The following EYS variants were observed in gnomAD, a reference collection of about 807,000 sequenced individuals.
EYS encodes the protein protein eyes shut homolog.
In EYS, 250 loss-of-function variants were observed where a neutral mutation model predicts 282.1. That is an observed-to-expected ratio of 0.89 (90% confidence interval 0.80 to 0.98). The LOEUF is 0.98. Among genes scored for constraint, EYS ranks in the 50% least tolerant of loss-of-function variants. The pLI is 0.00. For missense variants in EYS, 4,016 were observed against 3,709.0 expected (o/e 1.08, Z -2.15); for synonymous variants, 1,355 against 1,282.9 (o/e 1.06, Z -1.20).
intron 2 of EYS, among the ~76,000 whole-genome samples, chr6:65,531,993 C>T (rs977460967): frequency 4.6e-5 from 7 of 152,070 alleles, no homozygotes; most frequent in African/African-American, 9.6e-5. Flanking sequence ...GGATAATATA[C>T]GTTAAAATTC....
chr6:64,075,594 A>G (rs1771740593), intron 32 of EYS, among the ~76,000 whole-genome samples: 1 of 151,910 alleles, frequency 6.6e-6, no homozygotes, highest in African/African-American at 2.4e-5. Flanking sequence ...TTTTGATGCC[A>G]CGATTTTTAG....
chr6:64,477,772 G>C (rs2150497094), intron 26 of EYS, among the ~76,000 whole-genome samples: 1 of 152,064 alleles, frequency 6.6e-6, no homozygotes, highest in South Asian at 2.1e-4. Flanking sequence ...TGCTTCAAAA[G>C]GAAACATGTG....
chr6:64,329,573 G>A (rs1157487721), intron 29 of EYS, among the ~76,000 whole-genome samples: 1 of 152,064 alleles, frequency 6.6e-6, no homozygotes, highest in Non-Finnish European at 1.5e-5. Context: ...ATCCCCCGGG[G>A]CTAGCCATAA....
chr6:64,038,539 A>G lies in EYS; in HGVS notation c.6725+27799T>C, dbSNP rs1770232813. 2.0e-5 allele frequency among the ~76,000 whole-genome samples: 3 copies of G among 152,076 alleles called. No individual in the cohort carries two copies. The South Asian group carries it at 6.2e-4, about 32-fold the overall frequency. ...ATATCCACATTCCTAATTGACTATC[A>G]AAATCCAGTACTTCATTGTGCAATA... is the stretch of plus-strand genomic sequence containing the variant. On this transcript the variant is annotated intron_variant, in intron 33 of 42. Coordinates refer to ENST00000503581, the MANE Select transcript of EYS (RefSeq NM_001142800.2).
chr6:63,901,985 CT>C lies in EYS; in HGVS notation c.7056-37628del, dbSNP rs553608438. ...TTGGCTCACTGCAACTTCTGCCCCC[CT>C]GGTTCAAGTGACCCTTCTGCCCCAC... is the stretch of plus-strand genomic sequence containing the variant. On this transcript the variant is annotated intron_variant, in intron 35 of 42. Transcript: ENST00000503581. 2.0e-5 allele frequency among the ~76,000 whole-genome samples: 3 copies of C among 152,234 alleles called. No individual in the cohort carries two copies. In the South Asian group the frequency reaches 6.2e-4, roughly 32 times the overall value.
intron 26 of EYS, among the ~76,000 whole-genome samples, chr6:64,448,249 T>A (rs1364396837): frequency 1.3e-5 from 2 of 152,316 alleles, no homozygotes; most frequent in African/African-American, 4.8e-5. Flanking sequence ...CCACGGAGCC[T>A]TGCTGATTGC....
chr6:65,296,231 A>T, intron 11 of EYS, 112 bp from the exon 12 acceptor site: 1 of 1,161,514 alleles, frequency 8.6e-7, no homozygotes. Flanking sequence ...TTTAATGAAG[A>T]TAGTTGTGGG....
intron 30 of EYS, among the ~76,000 whole-genome samples, chr6:64,267,597 A>G (rs758807278): frequency 5.3e-5 from 8 of 152,200 alleles, no homozygotes; most frequent in African/African-American, 1.9e-4. Context: ...GAAAGACCAT[A>G]TAGACATTAA....
intron 22 of EYS, among the ~76,000 whole-genome samples, chr6:64,771,693 T>A (rs926057869): frequency 2.6e-5 from 4 of 151,794 alleles, no homozygotes; most frequent in African/African-American, 9.7e-5. Flanking sequence ...ATTTCATTTT[T>A]AAATTGTTTT....
intron 31 of EYS, among the ~76,000 whole-genome samples, chr6:64,093,777 A>T (rs1772467356): frequency 6.6e-6 from 1 of 152,114 alleles, no homozygotes; most frequent in Non-Finnish European, 1.5e-5. Context: ...CCTGGCCAGA[A>T]CTTCCAACAC....
At chr6:65,372,329 C>T (rs1040338868) in intron 8 of EYS, among the ~76,000 whole-genome samples, 9 of 151,922 alleles carry the variant, frequency 5.9e-5, no homozygotes, top group Non-Finnish European at 8.8e-5. Flanking sequence ...CCAGAAAGTG[C>T]ATTTCTAACT....
intron 12 of EYS, among the ~76,000 whole-genome samples, chr6:65,141,066 A>C (rs1439837744): frequency 6.6e-6 from 1 of 151,844 alleles, no homozygotes; most frequent in East Asian, 1.9e-4. Flanking sequence ...GGCACTATTC[A>C]CGATAGCAAA....
intron 35 of EYS, among the ~76,000 whole-genome samples, chr6:63,966,254 TA>T (rs1323088528): frequency 6.6e-6 from 1 of 152,172 alleles, no homozygotes; most frequent in African/African-American, 2.4e-5. Context: ...CTAAGTGAAG[TA>T]GCTCAGGAAT....
chr6:65,384,399 A>T lies in EYS; in HGVS notation c.1286T>A (p.Ile429Asn), dbSNP rs777652635. 6.3e-7 allele frequency: 1 copy of T among 1,597,380 alleles called. No individual in the cohort carries two copies. Among genetic ancestry groups the T allele is most frequent in the Non-Finnish European group, 8.6e-7 (1 of 1,167,090 alleles). ...CLNEEWCFNI[I>N]GRFKYVCIPG... Reference sequence around the variant, plus strand: ...TAAATTACTTACTTTGAATCTTCCAATTATATTGAAACACCATTCTTCATT... The same window carrying T: ...TAAATTACTTACTTTGAATCTTCCATTTATATTGAAACACCATTCTTCATT... Residue 429 changes from isoleucine to asparagine, a missense_variant, in exon 8 of 43, where the codon ATT becomes AAT. Transcript: ENST00000503581.
intron 15 of EYS, among the ~76,000 whole-genome samples, chr6:64,937,622 A>G (rs1768953715): frequency 6.6e-6 from 1 of 151,584 alleles, no homozygotes; most frequent in Non-Finnish European, 1.5e-5. Context: ...GGTTAAAAAG[A>G]CAAACATCAA....
intron 31 of EYS, among the ~76,000 whole-genome samples, chr6:64,186,046 G>T (rs946520203): frequency 2.6e-5 from 4 of 152,082 alleles, no homozygotes; most frequent in African/African-American, 9.7e-5. Flanking sequence ...GCCCAGGAAG[G>T]TTACTTAAGT....
intron 5 of EYS, among the ~76,000 whole-genome samples, chr6:65,472,523 T>G (rs539200655): frequency 1.5e-3 from 229 of 152,200 alleles, no homozygotes; most frequent in Middle Eastern, 3.4e-3. Context: ...GCCTTGAATT[T>G]CCTGAACAAC....
At position 64,902,393 on chromosome 6, in the gene EYS, G is replaced by T. The variant is rs971078541; in HGVS notation, c.2738+11C>A. On this transcript the variant is annotated intron_variant, in intron 17 of 42. Transcript: ENST00000503581. ...AAACATGTATCTAGATACTTTTTAA[G>T]TTTTCTGTACCTGAAATTGTTGACC... 1 of 1,525,434 alleles carries T rather than the reference G, an allele frequency of 6.6e-7. No individual in the cohort carries two copies. The highest frequency in any genetic ancestry group is 1.4e-5 in the African/African-American group (1 of 71,746). The allele number at this position is 1,525,434 out of a possible 1,614,324, so 94.5% of individuals were successfully genotyped here. A position where few individuals can be genotyped will look rare whatever the true frequency, so the allele number is the denominator to read the frequency against.
chr6:64,334,143 G>A (rs1215852295), intron 29 of EYS, among the ~76,000 whole-genome samples: 1 of 152,156 alleles, frequency 6.6e-6, no homozygotes, highest in Non-Finnish European at 1.5e-5. Context: ...ATTCCTCTGT[G>A]TCAGACTGTA....
Sources: allele counts gnomAD v4.1 joint callset (sites outside exome capture counted in the v4.1 genomes callset), GRCh38; gene constraint gnomAD v4.1.1; transcripts MANE v1.5; gene names NCBI Gene and HGNC (gene_info 2026-07-23, HGNC 2026-07-21).